The following EIF3A variants were observed in gnomAD, a reference collection of about 807,000 sequenced individuals.
EIF3A encodes the protein EIF3, p180 subunit.
In EIF3A, 21 loss-of-function variants were observed where a neutral mutation model predicts 186.6. That is an observed-to-expected ratio of 0.11 (90% confidence interval 0.08 to 0.16). The LOEUF (loss-of-function observed/expected upper bound fraction) is 0.16, where lower values mean the gene tolerates loss of function less well. EIF3A is among the 10% of genes least tolerant of loss of function. The probability of loss-of-function intolerance (pLI) is 1.00; values close to 1 mark genes in which losing one functional copy is unlikely to be tolerated. For missense variants in EIF3A, 1,306 were observed against 1,796.3 expected, an observed-to-expected ratio of 0.73 and a Z score of 4.93; for synonymous variants, 563 against 584.3, an observed-to-expected ratio of 0.96 and a Z score of 0.52.
In EIF3A at chr10:119,058,161, T is replaced by C; in HGVS notation, c.1772A>G (p.Lys591Arg). 1 of 1,614,154 alleles carries C rather than the reference T, an allele frequency of 6.2e-7. No homozygotes were observed. Residue 591 changes from lysine to arginine, a missense_variant, in exon 12 of 22, where the codon AAA (lysine) becomes AGA (arginine). Around this residue, in one of 8 missense-constraint regions of EIF3A, gnomAD observed 94 missense variants for 204.9 expected, o/e 0.46. Coordinates refer to ENST00000369144, the MANE Select transcript of EIF3A (RefSeq NM_003750.4). Reference protein sequence around the residue: ...RLESLNIQREKEELEQREAEL... With the variant: ...RLESLNIQREREELEQREAEL... ...AGCTTCCCTCTGTTCCAATTCTTCTTTCTCACGCTGAATATTCAGACTCTC... is the reference window on the plus strand; with the variant it reads ...AGCTTCCCTCTGTTCCAATTCTTCTCTCTCACGCTGAATATTCAGACTCTC...
chr10:119,074,984 C>CT (rs113459869), intron 1 of EIF3A, among the ~76,000 whole-genome samples: 55,060 of 104,892 alleles, frequency 0.52, 15,767 homozygotes, highest in Middle Eastern at 0.67. Flanking sequence ...TATTTTTTTT[C>CT]TTTTTTTTTT....
chr10:119,045,779 T>C (rs1245886213), intron 17 of EIF3A, among the ~76,000 whole-genome samples: 2 of 152,078 alleles, frequency 1.3e-5, no homozygotes, highest in Non-Finnish European at 2.9e-5. Flanking sequence ...GCCAGACTGG[T>C]CTCAAGCTCC....
intron 15 of EIF3A, 110 bp from the exon 16 acceptor site, chr10:119,050,784 G>T (rs897161159): frequency 1.8e-5 from 21 of 1,173,928 alleles, no homozygotes; most frequent in Non-Finnish European, 2.2e-5. Flanking sequence ...CAGAATCATC[G>T]AAAGCAACCT....
chr10:119,056,232 G>A (rs760969889), intron 14 of EIF3A, among the ~76,000 whole-genome samples: 2 of 152,074 alleles, frequency 1.3e-5, no homozygotes, highest in Non-Finnish European at 2.9e-5. Flanking sequence ...CAAAACTATG[G>A]AATGACCTGT....
chr10:119,069,515 G>C lies in EIF3A; in HGVS notation c.881C>G (p.Ser294Cys). 6.3e-7 allele frequency: 1 copy of C among 1,590,510 alleles called. No individual in the cohort carries two copies. The change falls in exon 6 of 22, where the codon TCT becomes TGT. Residue 294 changes from serine (S) to cysteine (C), a missense_variant. Ser to Cys is a moderately radical substitution (Grantham distance 112, BLOSUM62 -1). Transcript: ENST00000369144. ...WKSGNALFHA[S>C]TLHRLYHLSR... ...GAGATGGTAAAGACGATGGAGTGTAGATGCATGAAAAAGAGCATTTCCAGA... is the reference window on the plus strand; with the variant it reads ...GAGATGGTAAAGACGATGGAGTGTACATGCATGAAAAAGAGCATTTCCAGA...
At chr10:119,065,609 A>T in intron 6 of EIF3A, 39 bp from the exon 7 acceptor site, 1 of 1,456,024 alleles carries the variant, frequency 6.9e-7, no homozygotes, top group Non-Finnish European at 9.5e-7. Context: ...AGGTTTGTAA[A>T]TGATACTTGG....
chr10:119,041,393 C>T (rs1457789930), intron 19 of EIF3A, among the ~76,000 whole-genome samples: 1 of 151,870 alleles, frequency 6.6e-6, no homozygotes, highest in African/African-American at 2.4e-5. Flanking sequence ...GGCAACATAG[C>T]GAAACCCCGT....
chr10:119,050,891 G>C (rs1257665532), intron 15 of EIF3A, among the ~76,000 whole-genome samples: 1 of 152,126 alleles, frequency 6.6e-6, no homozygotes, highest in East Asian at 1.9e-4. Context: ...CCTCCAGTGG[G>C]TTTGTCTTTA....
chr10:119,045,508 G>C (rs977552841), intron 17 of EIF3A, among the ~76,000 whole-genome samples: 5 of 152,118 alleles, frequency 3.3e-5, no homozygotes, highest in African/African-American at 1.2e-4. Context: ...AGAAGGCCAA[G>C]CTTCTCCCAC....
intron 14 of EIF3A, among the ~76,000 whole-genome samples, chr10:119,053,577 A>C (rs910945861): frequency 7.7e-6 from 1 of 129,304 alleles, no homozygotes; most frequent in Non-Finnish European, 1.6e-5. Flanking sequence ...AAAAAAAAAA[A>C]AGCTAGGCAT....
rs140824853 is a variant in EIF3A, at chr10:119,073,693, C to T, written c.240+54G>A. 2.9e-5 allele frequency: 45 copies of T among 1,560,118 alleles called. No homozygotes were observed. The Admixed American group carries it at 5.0e-4, about 17-fold the overall frequency. On this transcript the variant is annotated intron_variant, in intron 2 of 21. Transcript: ENST00000369144. Reference sequence around the variant, plus strand: ...TATTCACTTCGAAAGGTAAGTTCTTCGGCAGATTACTAAAAACACTTGTTA... The same window carrying T: ...TATTCACTTCGAAAGGTAAGTTCTTTGGCAGATTACTAAAAACACTTGTTA...
chr10:119,045,023 C>T (rs891357028), intron 17 of EIF3A, among the ~76,000 whole-genome samples: 14 of 151,288 alleles, frequency 9.3e-5, no homozygotes, highest in African/African-American at 3.4e-4. Flanking sequence ...CAGCTAACTG[C>T]AGCCTCTGCC....
At chr10:119,069,041 GACTCCACCTCTATGTGGAT>G (rs1236562675) in intron 6 of EIF3A, among the ~76,000 whole-genome samples, 4 of 150,572 alleles carry the variant, frequency 2.7e-5, no homozygotes, top group Non-Finnish European at 5.9e-5. Flanking sequence ...TCTGAGAATA[GACTCCACCTCTATGTGGAT>G]AGAAAGCTCA....
chr10:119,036,207 A>T lies in EIF3A; in HGVS notation c.3981T>A (p.Pro1327=), dbSNP rs1564747184. ...AAAGAGCTGGGGGAGGAACTCGACGAGGAGGGTCCCGCTCTTCCACCCGGT... is the reference window on the plus strand; with the variant it reads ...AAAGAGCTGGGGGAGGAACTCGACGTGGAGGGTCCCGCTCTTCCACCCGGT... The part of the protein sequence containing the change: ...KDDRVEERDP[P]RRVPPPALSR... The change falls in exon 22 of 22, where the codon CCT becomes CCA. Residue 1327 remains proline (P), a synonymous_variant. Transcript: ENST00000369144. 1 of 1,613,788 alleles carries T rather than the reference A, an allele frequency of 6.2e-7. No homozygotes were observed. Among genetic ancestry groups the T allele is most frequent in the Non-Finnish European group, 8.5e-7 (1 of 1,179,984 alleles).
intron 21 of EIF3A, 59 bp downstream of exon 21, chr10:119,037,060 T>TAC: frequency 2.6e-6 from 1 of 391,262 alleles, no homozygotes. Context: ...ATAACCCAAA[T>TAC]CCCCCCCCCC....
Position 119,042,695 on chromosome 10 carries a change from T to G in EIF3A, c.2825A>C (p.Asp942Ala). 1 of 1,613,738 alleles carries G rather than the reference T, an allele frequency of 6.2e-7. No individual in the cohort carries two copies. ...RDEERPRRLG[D>A]DEDREPSLRP... is the part of the protein sequence containing the mutation. ...AAGAGAGGGCTCTCTATCTTCATCA[T>G]CCCCCAGACGCCGGGGCCGCTCTTC... The change falls in exon 19 of 22, where the codon GAT becomes GCT. Residue 942 changes from aspartate to alanine, a missense_variant. By Grantham distance (126) the Asp-to-Ala change is moderately radical. Transcript: ENST00000369144. The surrounding 1 kb of genome is among the most constrained non-coding windows in gnomAD (Gnocchi z 7.8).
At chr10:119,070,842 C>T (rs1844059967) in intron 5 of EIF3A, 44 bp downstream of exon 5, 1 of 1,378,594 alleles carries the variant, frequency 7.3e-7, no homozygotes, top group Non-Finnish European at 1.0e-6. Context: ...AAAAGTAACA[C>T]AGACTATTAT....
Position 119,034,060 on chromosome 10 carries a change from C to A in EIF3A, c.*1979G>T, listed in dbSNP as rs952347381. 6.0e-6 allele frequency: 1 copy of A among 167,122 alleles called. No individual in the cohort carries two copies. The highest frequency in any genetic ancestry group is 2.4e-5 in the African/African-American group (1 of 41,450). The allele number at this position is 167,122 out of a possible 1,614,324, so 10.4% of individuals were successfully genotyped here. On this transcript the variant is annotated 3_prime_UTR_variant, in exon 22 of 22. Coordinates refer to ENST00000369144, the MANE Select transcript of EIF3A (RefSeq NM_003750.4). ...ACTCTCAATGAAACTGCAGAAGCCA[C>A]CATGAACATGGAAGACCACCTAGCA...
intron 20 of EIF3A, among the ~76,000 whole-genome samples, chr10:119,037,790 CAG>C (rs1218317740): frequency 6.6e-6 from 1 of 151,990 alleles, no homozygotes; most frequent in Non-Finnish European, 1.5e-5. Context: ...CCCTAAACCA[CAG>C]GGGTAAAAGC....
Sources: allele counts gnomAD v4.1 joint callset (sites outside exome capture counted in the v4.1 genomes callset), GRCh38; gene constraint gnomAD v4.1.1; regional missense constraint gnomAD v4.1.1; non-coding constraint Gnocchi (gnomAD v3.1); transcripts MANE v1.5; gene names NCBI Gene and HGNC (gene_info 2026-07-23, HGNC 2026-07-21).